Variants in BCAS3 observed in about 807,000 individuals in gnomAD.
The protein encoded by BCAS3 is BCAS3 microtubule associated cell migration factor.
A neutral mutation model predicts 116.1 loss-of-function variants in BCAS3; 53 were observed. The ratio of observed to expected loss-of-function variants is 0.46; its 90% CI spans 0.37 to 0.57. BCAS3 has a LOEUF of 0.57. Ranked by LOEUF, BCAS3 falls within the 20% of genes least tolerant of loss-of-function variation. The pLI is 0.00. For missense variants in BCAS3, 917 were observed against 1,165.4 expected, an observed-to-expected ratio of 0.79 and a Z score of 3.10; for synonymous variants, 391 against 408.2, an observed-to-expected ratio of 0.96 and a Z score of 0.51.
At position 60,953,681 on chromosome 17, in the gene BCAS3, A is replaced by G. The variant is rs371246027; in HGVS notation, c.1221+6329A>G. On this transcript the variant is annotated intron_variant, in intron 14 of 23. Transcript: ENST00000407086. Reference sequence around the variant, plus strand: ...AATGGTATTGCCTAGGTTGTCTTCCAGAGTTTTTATAGTTTTGAGTTTTAT... The same window carrying G: ...AATGGTATTGCCTAGGTTGTCTTCCGGAGTTTTTATAGTTTTGAGTTTTAT... 4.6e-5 allele frequency among the ~76,000 whole-genome samples: 7 copies of G among 150,982 alleles called. No individual in the cohort carries two copies. The South Asian group carries it at 1.0e-3, about 23-fold the overall frequency.
rs1202639264 is a variant in BCAS3, at chr17:61,118,444, TG to T, written c.2425+33881del. ...GGGGTGAAAATCCAGACTCCCCATTTGTCCTGCACCAAAACTGCACGTGTGT... is the reference window on the plus strand; with the variant it reads ...GGGGTGAAAATCCAGACTCCCCATTTTCCTGCACCAAAACTGCACGTGTGT... On this transcript the variant is annotated intron_variant, in intron 22 of 23. Transcript: ENST00000407086. The surrounding 1 kb of genome is among the most constrained non-coding windows in gnomAD (Gnocchi z 5.0). Among the ~76,000 whole-genome samples, 1 of 152,194 alleles carries T rather than the reference TG, an allele frequency of 6.6e-6. No individual in the cohort carries two copies. The highest frequency in any genetic ancestry group is 1.5e-5 in the Non-Finnish European group (1 of 68,028).
chr17:60,889,272 A>G (rs2056968752), intron 9 of BCAS3, among the ~76,000 whole-genome samples: 1 of 152,170 alleles, frequency 6.6e-6, no homozygotes, highest in Non-Finnish European at 1.5e-5. Flanking sequence ...TCATTGTAGT[A>G]TCATGTCTGA....
intron 22 of BCAS3, among the ~76,000 whole-genome samples, chr17:61,101,960 A>G (rs2074354269): frequency 6.6e-6 from 1 of 152,178 alleles, no homozygotes; most frequent in Non-Finnish European, 1.5e-5. Flanking sequence ...AAATACTAAT[A>G]AATTGAAAGG....
chr17:61,108,488 C>G (rs982816405), intron 22 of BCAS3, among the ~76,000 whole-genome samples: 1 of 151,316 alleles, frequency 6.6e-6, no homozygotes, highest in Non-Finnish European at 1.5e-5. Flanking sequence ...TTGATCTCTG[C>G]TTTTTCTTTC....
chr17:61,274,922 A>C (rs929652126), intron 22 of BCAS3, among the ~76,000 whole-genome samples: 5 of 152,232 alleles, frequency 3.3e-5, no homozygotes, highest in Non-Finnish European at 4.4e-5. Context: ...GCAGTAGTGC[A>C]AACATGGCTC....
chr17:61,048,516 C>T (rs1038335997), intron 19 of BCAS3, among the ~76,000 whole-genome samples: 11 of 151,998 alleles, frequency 7.2e-5, no homozygotes, highest in African/African-American at 2.2e-4. Flanking sequence ...CAAAGAAGAG[C>T]GGGTGTCGGC....
intron 5 of BCAS3, among the ~76,000 whole-genome samples, chr17:60,719,926 A>G (rs114646559): frequency 0.031 from 4,737 of 152,302 alleles, 238 homozygotes; most frequent in African/African-American, 0.1. Flanking sequence ...CCTGGGGACC[A>G]GTGCTGCTTA....
rs2081882429 is a variant in BCAS3, at chr17:61,217,714, T to A, written c.2425+133150T>A. Among the ~76,000 whole-genome samples the A allele has an allele frequency of 6.6e-6, 1 of 152,224 alleles. No individual in the cohort carries two copies. Among genetic ancestry groups the A allele is most frequent in the Non-Finnish European group, 1.5e-5 (1 of 68,034 alleles). ...GGCAGCTTCCTCTGACTAGTTGATT[T>A]TCTTGAGAAACATTATTCTTGATCC... On this transcript the variant is annotated intron_variant, in intron 22 of 23. Transcript: ENST00000407086. This position sits in a 1 kb window ranked among gnomAD's most constrained non-coding sequence, Gnocchi z 5.2.
chr17:60,963,818 G>T (rs1197349601), intron 14 of BCAS3, among the ~76,000 whole-genome samples: 1 of 152,168 alleles, frequency 6.6e-6, no homozygotes, highest in Non-Finnish European at 1.5e-5. Context: ...GCCTCCCAAA[G>T]TGCTGGGATT....
chr17:60,738,465 C>T (rs948564288), intron 5 of BCAS3, among the ~76,000 whole-genome samples: 9 of 152,104 alleles, frequency 5.9e-5, no homozygotes, highest in South Asian at 2.1e-4. Flanking sequence ...CCCTTTTTCC[C>T]TGACAAGTTT....
In BCAS3 at chr17:60,782,561, GTTATTATTATTATTA is replaced by G. The variant is rs59139545; in HGVS notation, c.404-25416_404-25402del. ...AAAACATGTTAGTTGGTCTTTATAA[GTTATTATTATTATTA>G]TTATTATTATTATTATTATTATTAT... On this transcript the variant is annotated intron_variant, in intron 6 of 23. Coordinates refer to ENST00000407086, the MANE Select transcript of BCAS3 (RefSeq NM_017679.5). 1.5e-4 allele frequency among the ~76,000 whole-genome samples: 21 copies of G among 142,460 alleles called. No homozygotes were observed. In the Middle Eastern group the frequency reaches 0.014, roughly 98 times the overall value. The allele number at this position is 142,460 out of a possible 152,430, so 93.5% of individuals were successfully genotyped here.
At chr17:60,933,440 C>A (rs2059764881) in intron 13 of BCAS3, among the ~76,000 whole-genome samples, 1 of 152,110 alleles carries the variant, frequency 6.6e-6, no homozygotes, top group African/African-American at 2.4e-5. Flanking sequence ...AATAATTACC[C>A]CTCCTTGGCA....
intron 6 of BCAS3, among the ~76,000 whole-genome samples, chr17:60,803,478 C>T (rs1385282961): frequency 6.6e-6 from 1 of 152,106 alleles, no homozygotes; most frequent in Non-Finnish European, 1.5e-5. Flanking sequence ...CTAAGTCAGT[C>T]ATCAGTCATC....
chr17:61,235,634 A>G lies in BCAS3; in HGVS notation c.2426-132693A>G, dbSNP rs1408568774. 2.0e-5 allele frequency among the ~76,000 whole-genome samples: 3 copies of G among 151,832 alleles called. No homozygotes were observed. Among genetic ancestry groups the G allele is most frequent in the Non-Finnish European group, 4.4e-5 (3 of 67,978 alleles). On this transcript the variant is annotated intron_variant, in intron 22 of 23. Coordinates refer to ENST00000407086, the MANE Select transcript of BCAS3 (RefSeq NM_017679.5). The surrounding 1 kb of genome is among the most constrained non-coding windows in gnomAD (Gnocchi z 5.0). ...TACCTCTTTCTAAACAGCGCCAGCC[A>G]TGAAGCTTTTGACCTTTTCACCTTT...
intron 7 of BCAS3, among the ~76,000 whole-genome samples, chr17:60,843,091 T>G (rs2052124692): frequency 7.1e-6 from 1 of 140,468 alleles, no homozygotes; most frequent in African/African-American, 3.0e-5. Flanking sequence ...TAAGGCTGAT[T>G]TTTATTTTTT....
chr17:61,363,709 G>C lies in BCAS3; in HGVS notation c.2426-4618G>C, dbSNP rs1160008692. ...GCAGAGCACTGCTTCAACAAAAGAT[G>C]TCTGTTGCCAAGAGTGTGTATTTTG... On this transcript the variant is annotated intron_variant, in intron 22 of 23. Coordinates refer to ENST00000407086, the MANE Select transcript of BCAS3 (RefSeq NM_017679.5). The surrounding 1 kb of genome is among the most constrained non-coding windows in gnomAD (Gnocchi z 4.9). Among the ~76,000 whole-genome samples, 5 of 152,184 alleles carry C rather than the reference G, an allele frequency of 3.3e-5. No homozygotes were observed. The highest frequency in any genetic ancestry group is 5.9e-5 in the Non-Finnish European group (4 of 68,032).
rs1352034420 is a variant in BCAS3 at position 61,219,725 on chromosome 17, T to G, written c.2425+135161T>G. Among the ~76,000 whole-genome samples, 5 of 152,202 alleles carry G rather than the reference T, an allele frequency of 3.3e-5. No individual in the cohort carries two copies. Among genetic ancestry groups the G allele is most frequent in the Admixed American group, 3.3e-4 (5 of 15,276 alleles). On this transcript the variant is annotated intron_variant, in intron 22 of 23. Coordinates refer to ENST00000407086, the MANE Select transcript of BCAS3 (RefSeq NM_017679.5). The surrounding 1 kb of genome is among the most constrained non-coding windows in gnomAD (Gnocchi z 5.2). ...CTGCTCTGGGCTGACATGCCCTCTT[T>G]TCTCATCCAGCTGCTGCTTGTTTAG...
chr17:61,319,896 A>ATT (rs57784469), intron 22 of BCAS3, among the ~76,000 whole-genome samples: 5,663 of 134,660 alleles, frequency 0.042, 267 homozygotes, highest in African/African-American at 0.12. Flanking sequence ...TTTATTTTTT[A>ATT]TTTTTTTTTT....
At chr17:60,737,007 T>C (rs1410020394) in intron 5 of BCAS3, among the ~76,000 whole-genome samples, 2 of 151,868 alleles carry the variant, frequency 1.3e-5, no homozygotes, top group Non-Finnish European at 2.9e-5. Flanking sequence ...TGGCGCGATC[T>C]TGTCTCACCG....
Sources: allele counts gnomAD v4.1 joint callset (sites outside exome capture counted in the v4.1 genomes callset), GRCh38; gene constraint gnomAD v4.1.1; non-coding constraint Gnocchi (gnomAD v3.1); transcripts MANE v1.5; gene names NCBI Gene and HGNC (gene_info 2026-07-23, HGNC 2026-07-21).